Variants in LRRC4C observed in about 807,000 individuals in gnomAD.
LRRC4C encodes the protein leucine-rich repeat-containing protein 4C.
A neutral mutation model predicts 33.6 loss-of-function variants in LRRC4C; 5 were observed. The observed-to-expected ratio is 0.15, with a 90% CI of 0.08 to 0.31. LRRC4C has a LOEUF of 0.31. LRRC4C is among the 10% of genes least tolerant of loss of function. The probability of loss-of-function intolerance (pLI) is 1.00; values close to 1 mark genes in which losing one functional copy is unlikely to be tolerated. For synonymous variants in LRRC4C, 329 were observed against 302.0 expected (o/e 1.09, Z -0.93); for missense variants, 560 against 796.7 (o/e 0.70, Z 3.58).
chr11:40,610,460 CA>C (rs1313853216), intron 3 of LRRC4C, among the ~76,000 whole-genome samples: 2 of 151,564 alleles, frequency 1.3e-5, no homozygotes, highest in African/African-American at 4.8e-5. Context: ...TCTGAGATTA[CA>C]AACAAGGCAA....
intron 1 of LRRC4C, among the ~76,000 whole-genome samples, chr11:41,001,239 AC>A (rs1162171314): frequency 6.6e-6 from 1 of 152,118 alleles, no homozygotes; most frequent in African/African-American, 2.4e-5. Flanking sequence ...GGCCTTCAAA[AC>A]CTGGGAGTCT....
intron 2 of LRRC4C, among the ~76,000 whole-genome samples, chr11:40,652,363 C>T (rs1045186445): frequency 1.3e-5 from 2 of 152,296 alleles, no homozygotes; most frequent in African/African-American, 2.4e-5. Flanking sequence ...TCTCAACTTG[C>T]TCTGTGAACT....
rs1565219375 is a variant in LRRC4C at position 40,936,058 on chromosome 11, AT to A, written c.-495-2336del. Among the ~76,000 whole-genome samples, 748 of 106,242 alleles carry A rather than the reference AT, an allele frequency of 7.0e-3. 26 individuals are homozygous for A. The highest frequency in any genetic ancestry group is 8.5e-3 in the Non-Finnish European group (430 of 50,536). 69.7% of individuals were successfully genotyped at this position (106,242 alleles called of 152,430 possible). On this transcript the variant is annotated intron_variant, in intron 1 of 6. Coordinates refer to ENST00000528697, the MANE Select transcript of LRRC4C (RefSeq NM_001258419.2). ...TATATATATATATATATATATATAT[AT>A]ATATATAACATAGTTTGAACCTTAA...
intron 2 of LRRC4C, among the ~76,000 whole-genome samples, chr11:40,933,198 T>C (rs1474025425): frequency 6.6e-6 from 1 of 152,184 alleles, no homozygotes; most frequent in African/African-American, 2.4e-5. Context: ...TACATGCAAC[T>C]GCAGTTAGAA....
chr11:40,462,313 G>C (rs1043304132), intron 3 of LRRC4C, among the ~76,000 whole-genome samples: 27 of 152,184 alleles, frequency 1.8e-4, no homozygotes, highest in Non-Finnish European at 1.2e-4. Flanking sequence ...TCTTTATTAT[G>C]TAGGAACAAT....
chr11:40,532,341 G>T (rs1956303882), intron 3 of LRRC4C, among the ~76,000 whole-genome samples: 2 of 151,760 alleles, frequency 1.3e-5, no homozygotes, highest in African/African-American at 4.8e-5. Context: ...GTACACTCTG[G>T]CTAAATTCAG....
chr11:40,395,373 G>A (rs1458322482), intron 3 of LRRC4C, among the ~76,000 whole-genome samples: 1 of 152,074 alleles, frequency 6.6e-6, no homozygotes, highest in Non-Finnish European at 1.5e-5. Context: ...TGTCTTCACA[G>A]TGCCTTCTGG....
chr11:41,410,220 T>C (rs544105351), intron 1 of LRRC4C, among the ~76,000 whole-genome samples: 3 of 152,246 alleles, frequency 2.0e-5, no homozygotes, highest in African/African-American at 7.2e-5. Context: ...ATACTGTTAT[T>C]GATGAAGCAG....
At chr11:40,634,843 T>C (rs888372584) in intron 3 of LRRC4C, among the ~76,000 whole-genome samples, 4 of 152,056 alleles carry the variant, frequency 2.6e-5, no homozygotes, top group African/African-American at 9.7e-5. Flanking sequence ...TAAGCTATGA[T>C]AGCGCCATTG....
chr11:41,457,048 C>G (rs1956191857), intron 1 of LRRC4C, among the ~76,000 whole-genome samples: 1 of 152,190 alleles, frequency 6.6e-6, no homozygotes, highest in Admixed American at 6.6e-5. Context: ...AAAAGATTCA[C>G]TCATTACAAT....
At chr11:41,439,362 A>G (rs1176006891) in intron 1 of LRRC4C, among the ~76,000 whole-genome samples, 1 of 152,164 alleles carries the variant, frequency 6.6e-6, no homozygotes, top group Non-Finnish European at 1.5e-5. Flanking sequence ...ATCTTATATA[A>G]GGATTTGTTT....
chr11:40,410,534 C>T (rs1023266325), intron 3 of LRRC4C, among the ~76,000 whole-genome samples: 7 of 151,992 alleles, frequency 4.6e-5, no homozygotes, highest in African/African-American at 1.4e-4. Flanking sequence ...CTATATAGCA[C>T]CTTTATATCT....
At chr11:40,932,560 C>T (rs934739380) in intron 2 of LRRC4C, among the ~76,000 whole-genome samples, 7 of 151,568 alleles carry the variant, frequency 4.6e-5, no homozygotes, top group Non-Finnish European at 1.0e-4. Context: ...AATTTAGAGA[C>T]GAATAGCTGA....
chr11:40,878,540 C>G (rs113398250), intron 2 of LRRC4C, among the ~76,000 whole-genome samples: 3,170 of 152,180 alleles, frequency 0.021, 129 homozygotes, highest in African/African-American at 0.073. Context: ...TTAATGTCAT[C>G]GCTTATCTGA....
At chr11:40,290,582 T>C (rs1944127219) in intron 4 of LRRC4C, among the ~76,000 whole-genome samples, 1 of 152,216 alleles carries the variant, frequency 6.6e-6, no homozygotes, top group South Asian at 2.1e-4. Context: ...ACCTCTCTAA[T>C]ATAAATCTAA....
At chr11:40,975,736 A>T (rs1852035509) in intron 1 of LRRC4C, among the ~76,000 whole-genome samples, 1 of 152,216 alleles carries the variant, frequency 6.6e-6, no homozygotes, top group South Asian at 2.1e-4. Context: ...TTTACTTATG[A>T]GCCAACTGAG....
At chr11:41,128,421 A>G (rs1234768991) in intron 1 of LRRC4C, among the ~76,000 whole-genome samples, 6 of 152,108 alleles carry the variant, frequency 3.9e-5, no homozygotes, top group Non-Finnish European at 5.9e-5. Context: ...GTGAAAAGAG[A>G]TCCATATATT....
chr11:41,382,689 A>T (rs1259833236), intron 1 of LRRC4C, among the ~76,000 whole-genome samples: 1 of 152,150 alleles, frequency 6.6e-6, no homozygotes, highest in Admixed American at 6.5e-5. Flanking sequence ...GACTATATAA[A>T]ACTAAAATGT....
chr11:40,629,828 T>C (rs955137772), intron 3 of LRRC4C, among the ~76,000 whole-genome samples: 3 of 152,212 alleles, frequency 2.0e-5, no homozygotes, highest in Non-Finnish European at 2.9e-5. Flanking sequence ...CAAAAATATA[T>C]ATCTTTCTAC....
Sources: gnomAD v4.1 joint callset for allele counts (sites outside exome capture counted in the v4.1 genomes callset) on GRCh38, gnomAD v4.1.1 for gene constraint, MANE v1.5 for transcripts, NCBI Gene and HGNC (gene_info 2026-07-23, HGNC 2026-07-21) for gene names.